KLHL7: variants seen among roughly 807,000 people sequenced by gnomAD.
KLHL7 encodes the protein kelch like family member 7.
KLHL7 carries 44 observed loss-of-function variants against 67.4 expected under a neutral mutation model. The ratio of observed to expected loss-of-function variants is 0.65; its 90% CI spans 0.51 to 0.84. The LOEUF (loss-of-function observed/expected upper bound fraction) is 0.84. KLHL7 is among the 40% of genes least tolerant of loss of function. The probability of loss-of-function intolerance (pLI) is 0.00; values close to 1 mark genes in which losing one functional copy is unlikely to be tolerated. For missense variants in KLHL7, 362 were observed against 718.1 expected (o/e 0.50, Z 5.67); for synonymous variants, 252 against 243.3 (o/e 1.04, Z -0.33).
At chr7:23,134,294 T>TA (rs1364560099) in intron 4 of KLHL7, among the ~76,000 whole-genome samples, 4 of 152,242 alleles carry the variant, frequency 2.6e-5, no homozygotes, top group African/African-American at 9.6e-5. Flanking sequence ...ATTCCAGAGA[T>TA]AAATCCCACT....
intron 9 of KLHL7, among the ~76,000 whole-genome samples, chr7:23,170,715 T>C (rs549004918): frequency 9.3e-4 from 142 of 152,260 alleles, no homozygotes; most frequent in Admixed American, 2.5e-3. Flanking sequence ...TCATTACACA[T>C]TGTATACATG....
At chr7:23,132,521 C>G (rs1172452850) in intron 4 of KLHL7, among the ~76,000 whole-genome samples, 1 of 151,972 alleles carries the variant, frequency 6.6e-6, no homozygotes, top group Non-Finnish European at 1.5e-5. Context: ...TCTTATAGAG[C>G]TCCGTATATA....
chr7:23,125,063 C>A lies in KLHL7; in HGVS notation c.333C>A (p.Ser111Arg). The change falls in exon 4 of 11, where the codon AGC becomes AGA. Residue 111 changes from serine (S) to arginine (R), a missense_variant. Physicochemically the swap from Ser to Arg is moderately radical, Grantham distance 110. Transcript: ENST00000339077. ...TTATTTGCAGAATTTCCGTGAATAGCAACAATGTTCAGTCTTTGCTGGATG... is the reference window on the plus strand; with the variant it reads ...TTATTTGCAGAATTTCCGTGAATAGAAACAATGTTCAGTCTTTGCTGGATG... ...FAYTARISVN[S>R]NNVQSLLDAA... 1 of 1,612,120 alleles carries A rather than the reference C, an allele frequency of 6.2e-7. No homozygotes were observed. Among genetic ancestry groups the A allele is most frequent in the Non-Finnish European group, 8.5e-7 (1 of 1,178,342 alleles).
intron 5 of KLHL7, among the ~76,000 whole-genome samples, chr7:23,142,462 T>C (rs995628457): frequency 2.6e-5 from 4 of 152,086 alleles, no homozygotes; most frequent in South Asian, 2.1e-4. Flanking sequence ...ACTAGATAAA[T>C]AGAAAAAATT....
Position 23,165,711 on chromosome 7 carries a change from C to T in KLHL7, c.950C>T (p.Thr317Ile). 1 of 1,614,108 alleles carries T rather than the reference C, an allele frequency of 6.2e-7. No homozygotes were observed. Among genetic ancestry groups the T allele is most frequent in the Non-Finnish European group, 8.5e-7 (1 of 1,179,980 alleles). The change falls in exon 8 of 11, where the codon ACA becomes ATA. Residue 317 changes from threonine (T) to isoleucine (I), a missense_variant. Around this residue, in one of 5 missense-constraint regions of KLHL7, gnomAD observed 155 missense variants for 280.8 expected, o/e 0.55. Coordinates refer to ENST00000339077, the MANE Select transcript of KLHL7 (RefSeq NM_001031710.3). ...RYFNPKDYSW[T>I]DIRCPFEKRR... is the part of the protein sequence containing the mutation. ...TTTCTGCTACAGGATTATAGCTGGACAGACATCCGCTGCCCCTTTGAAAAA... is the reference window on the plus strand; with the variant it reads ...TTTCTGCTACAGGATTATAGCTGGATAGACATCCGCTGCCCCTTTGAAAAA...
At chr7:23,169,092 C>G (rs977710034) in intron 9 of KLHL7, among the ~76,000 whole-genome samples, 8 of 152,026 alleles carry the variant, frequency 5.3e-5, no homozygotes, top group Non-Finnish European at 8.8e-5. Context: ...AAAATCCCGT[C>G]TCTACTAAAA....
chr7:23,147,681 C>G (rs944669875), intron 6 of KLHL7, among the ~76,000 whole-genome samples: 1 of 152,180 alleles, frequency 6.6e-6, no homozygotes, highest in Non-Finnish European at 1.5e-5. Context: ...CTTCTCTCTT[C>G]TCCTCAATAG....
At position 23,105,987 on chromosome 7, in the gene KLHL7, C is replaced by T. The variant is rs1292125503; in HGVS notation, c.-40C>T. The T allele has an allele frequency of 6.9e-6, 11 of 1,598,566 alleles. No homozygotes were observed. Among genetic ancestry groups the T allele is most frequent in the Middle Eastern group, 1.8e-4 (1 of 5,478 alleles). ...TGCCCAGAGAGTGCGACCCCTCGCC[C>T]GGCCCGGCGAGCCCCGGGCGTGAAC... On this transcript the variant is annotated 5_prime_UTR_variant, in exon 1 of 11. Coordinates refer to ENST00000339077, the MANE Select transcript of KLHL7 (RefSeq NM_001031710.3).
At chr7:23,135,023 T>C (rs1783928427) in intron 4 of KLHL7, among the ~76,000 whole-genome samples, 1 of 152,240 alleles carries the variant, frequency 6.6e-6, no homozygotes, top group Non-Finnish European at 1.5e-5. Context: ...AGATACATCA[T>C]TAGATTGTTA....
chr7:23,142,782 T>G (rs1784231061), intron 5 of KLHL7, among the ~76,000 whole-genome samples: 1 of 152,198 alleles, frequency 6.6e-6, no homozygotes, highest in South Asian at 2.1e-4. Flanking sequence ...AAGGAAAGGC[T>G]GAAAAACTGT....
At chr7:23,109,624 G>T (rs78614415) in intron 1 of KLHL7, among the ~76,000 whole-genome samples, 6,209 of 152,214 alleles carry the variant, frequency 0.041, 184 homozygotes, top group Non-Finnish European at 0.066. Flanking sequence ...CTCACCTTCC[G>T]GCTAAAATGA....
intron 7 of KLHL7, among the ~76,000 whole-genome samples, chr7:23,164,124 C>T (rs1218445702): frequency 4.0e-5 from 6 of 151,762 alleles, no homozygotes; most frequent in African/African-American, 1.5e-4. Flanking sequence ...AGCCACTGAG[C>T]TGACAAGACT....
In KLHL7 at chr7:23,152,093, C is replaced by T; in HGVS notation, c.820C>T (p.Pro274Ser). The change falls in exon 7 of 11, where the codon CCA (proline) becomes TCA (serine). Residue 274 changes from proline (P) to serine (S), a missense_variant. Transcript: ENST00000339077. ...ISGMRYHLLS[P>S]EDREELVDGT... ...TGGAATGAGGTACCATCTACTGTCT[C>T]CAGAGGACCGAGAAGAACTTGTAGA... is the stretch of plus-strand genomic sequence containing the variant. 1 of 1,613,886 alleles carries T rather than the reference C, an allele frequency of 6.2e-7. No homozygotes were observed. The highest frequency in any genetic ancestry group is 8.5e-7 in the Non-Finnish European group (1 of 1,179,838).
chr7:23,119,935 G>A (rs1783261455), intron 1 of KLHL7, among the ~76,000 whole-genome samples: 1 of 151,934 alleles, frequency 6.6e-6, no homozygotes, highest in African/African-American at 2.4e-5. Context: ...TACTAATTTG[G>A]CTAAGATTTC....
chr7:23,109,942 G>A lies in KLHL7; in HGVS notation c.120+3796G>A, dbSNP rs187584380. On this transcript the variant is annotated intron_variant, in intron 1 of 10. Transcript: ENST00000339077. ...CTATTGTCACTCCACTGTCTCTCCA[G>A]TGTCCCAGTTTTCTTGACCCTCTGT... Among the ~76,000 whole-genome samples, 42 of 152,220 alleles carry A rather than the reference G, an allele frequency of 2.8e-4. 1 individual carries two copies. The highest frequency in any genetic ancestry group is 2.2e-3 in the Admixed American group (34 of 15,298).
chr7:23,135,715 C>T (rs2128463122), intron 4 of KLHL7, among the ~76,000 whole-genome samples: 1 of 152,312 alleles, frequency 6.6e-6, no homozygotes, highest in South Asian at 2.1e-4. Context: ...TCCCGGCTTC[C>T]TTTCTGCTGC....
chr7:23,126,996 G>A (rs910671266), intron 4 of KLHL7, among the ~76,000 whole-genome samples: 5 of 152,180 alleles, frequency 3.3e-5, no homozygotes, highest in South Asian at 2.1e-4. Context: ...TCTTTGGGCC[G>A]TAATTGGGGC....
In KLHL7 at chr7:23,175,974, A is replaced by AG. The variant is rs1785287730; in HGVS notation, c.*1676_*1677insG. On this transcript the variant is annotated 3_prime_UTR_variant, in exon 11 of 11. Transcript: ENST00000339077. ...AGACTAAAAAAAAAAAAAAAAAAAA[A>AG]AAAATGTATTATTCAGTGGTTTTTA... is the stretch of plus-strand genomic sequence containing the variant. The AG allele has an allele frequency of 6.6e-6, 1 of 151,964 alleles. No homozygotes were observed. Among genetic ancestry groups the AG allele is most frequent in the African/African-American group, 2.4e-5 (1 of 41,122 alleles). 9.4% of individuals were successfully genotyped at this position (151,964 alleles called of 1,614,324 possible). A position where few individuals can be genotyped will look rare whatever the true frequency, so the allele number is the denominator to read the frequency against.
chr7:23,153,308 C>G (rs912458829), intron 7 of KLHL7, among the ~76,000 whole-genome samples: 1 of 152,132 alleles, frequency 6.6e-6, no homozygotes, highest in Non-Finnish European at 1.5e-5. Context: ...AGTTTGTTAG[C>G]TGATATATTA....
Sources: allele counts gnomAD v4.1 joint callset (sites outside exome capture counted in the v4.1 genomes callset), GRCh38; gene constraint gnomAD v4.1.1; regional missense constraint gnomAD v4.1.1; transcripts MANE v1.5; gene names NCBI Gene and HGNC (gene_info 2026-07-23, HGNC 2026-07-21).